The following CRPPA variants were observed in gnomAD, a reference collection of about 807,000 sequenced individuals.
CRPPA encodes CDP-L-ribitol pyrophosphorylase A.
In CRPPA, 43 loss-of-function variants were observed where a neutral mutation model predicts 52.0. That is an observed-to-expected ratio of 0.83 (90% CI 0.65 to 1.07). The LOEUF is 1.07. CRPPA is among the 50% of genes least tolerant of loss of function. The pLI, the probability that CRPPA is intolerant of heterozygous loss-of-function variation, is 0.00. For missense variants in CRPPA, 629 were observed against 551.7 expected (o/e 1.14, Z -1.40); for synonymous variants, 250 against 203.5 (o/e 1.23, Z -1.94).
At chr7:16,129,652 A>G (rs1258301797) in intron 9 of CRPPA, among the ~76,000 whole-genome samples, 1 of 152,120 alleles carries the variant, frequency 6.6e-6, no homozygotes, top group Non-Finnish European at 1.5e-5. Context: ...TGCTCAGTAC[A>G]TATTTTATTG....
chr7:16,248,011 T>A (rs1484178006), intron 8 of CRPPA: 3 of 151,580 alleles, frequency 2.0e-5, no homozygotes, highest in Admixed American at 6.6e-5. Context: ...AAGCCTAGGA[T>A]TGAGACACAA....
At chr7:16,120,952 C>T (rs944106950) in intron 9 of CRPPA, among the ~76,000 whole-genome samples, 5 of 151,864 alleles carry the variant, frequency 3.3e-5, no homozygotes, top group Admixed American at 6.6e-5. Context: ...TCTCATTTTA[C>T]ACAAAGACAA....
Position 16,089,315 on chromosome 7 carries a change from CGT to C in CRPPA, c.*2378_*2379del, listed in dbSNP as rs1781769665. The C allele has an allele frequency of 1.3e-5, 4 of 316,158 alleles. No individual in the cohort carries two copies. Among genetic ancestry groups the C allele is most frequent in the African/African-American group, 1.0e-4 (4 of 39,324 alleles). 19.6% of individuals were successfully genotyped at this position (316,158 alleles called of 1,614,324 possible). A position where few individuals can be genotyped will look rare whatever the true frequency, so the allele number is the denominator to read the frequency against. On this transcript the variant is annotated 3_prime_UTR_variant, in exon 10 of 10. Transcript: ENST00000407010. The stretch of plus-strand genomic sequence containing the variant: ...ACGTATATACATATATGTGTGTATG[CGT>C]ACGTATATAAATATATGTGTGTATG...
chr7:16,344,692 A>C (rs1383101544), intron 3 of CRPPA, among the ~76,000 whole-genome samples: 1 of 152,148 alleles, frequency 6.6e-6, no homozygotes, highest in Non-Finnish European at 1.5e-5. Context: ...AAAAAGGTAT[A>C]AGTTCTGGAG....
At chr7:16,245,729 G>A (rs1012103586) in intron 8 of CRPPA, among the ~76,000 whole-genome samples, 16 of 152,038 alleles carry the variant, frequency 1.1e-4, no homozygotes, top group Non-Finnish European at 2.1e-4. Flanking sequence ...AGCCAATAAA[G>A]CAAATATCAC....
At chr7:16,267,900 G>A (rs907294611) in intron 6 of CRPPA, among the ~76,000 whole-genome samples, 5 of 151,744 alleles carry the variant, frequency 3.3e-5, no homozygotes, top group African/African-American at 4.8e-5. Flanking sequence ...ATTGTATTAG[G>A]GACTGTATGT....
At chr7:16,096,832 C>T (rs569276290) in intron 9 of CRPPA, among the ~76,000 whole-genome samples, 6 of 152,244 alleles carry the variant, frequency 3.9e-5, no homozygotes, top group East Asian at 1.9e-4. Flanking sequence ...TTCAGTAGTC[C>T]GCTTTCTTAA....
In CRPPA at chr7:16,278,142, T is replaced by C; in HGVS notation, c.920A>G (p.Lys307Arg). 1 of 1,544,086 alleles carries C rather than the reference T, an allele frequency of 6.5e-7. No individual in the cohort carries two copies. Residue 307 changes from lysine to arginine, a missense_variant, in exon 6 of 10, where the codon AAA (lysine) becomes AGA (arginine). Transcript: ENST00000407010. ...HVGHLLEEVL[K>R]SELNHVKVTS... ...TTGAATACTTACATTTAATTCACTT[T>C]TCAGCACTTCTTCAAGAAGATGACC...
At chr7:16,153,148 T>C (rs1481898869) in intron 9 of CRPPA, among the ~76,000 whole-genome samples, 1 of 152,114 alleles carries the variant, frequency 6.6e-6, no homozygotes, top group Admixed American at 6.5e-5. Context: ...CAATTTTGGC[T>C]TATCAAATTG....
intron 1 of CRPPA, among the ~76,000 whole-genome samples, chr7:16,415,522 C>G (rs1037910631): frequency 6.6e-6 from 1 of 152,128 alleles, no homozygotes; most frequent in Non-Finnish European, 1.5e-5. Flanking sequence ...AATCAGGTGT[C>G]CCCTTTTCAT....
intron 9 of CRPPA, among the ~76,000 whole-genome samples, chr7:16,124,927 G>C (rs957092712): frequency 1.3e-5 from 2 of 151,932 alleles, no homozygotes; most frequent in Non-Finnish European, 2.9e-5. Flanking sequence ...AGACAAAAAA[G>C]AAAGAATAGC....
intron 3 of CRPPA, among the ~76,000 whole-genome samples, chr7:16,364,703 G>T (rs1031580508): frequency 6.6e-6 from 1 of 152,164 alleles, no homozygotes; most frequent in African/African-American, 2.4e-5. Context: ...TTTAAAGCAT[G>T]AATTCTCTTG....
chr7:16,097,090 T>G (rs2128362630), intron 9 of CRPPA, among the ~76,000 whole-genome samples: 2 of 152,270 alleles, frequency 1.3e-5, no homozygotes, highest in Middle Eastern at 3.4e-3. Context: ...TCCGGGAGCA[T>G]TTCTCTCCAT....
At chr7:16,145,328 C>A (rs1175300720) in intron 9 of CRPPA, among the ~76,000 whole-genome samples, 1 of 152,136 alleles carries the variant, frequency 6.6e-6, no homozygotes, top group Non-Finnish European at 1.5e-5. Context: ...AAGTACAATT[C>A]CAGAAACAGT....
At chr7:16,095,083 T>A (rs1370679528) in intron 9 of CRPPA, among the ~76,000 whole-genome samples, 1 of 152,230 alleles carries the variant, frequency 6.6e-6, no homozygotes, top group East Asian at 1.9e-4. Context: ...ATGGGAACTC[T>A]CTGCGGCATC....
chr7:16,281,346 T>C (rs192500068), intron 5 of CRPPA, among the ~76,000 whole-genome samples: 119 of 152,320 alleles, frequency 7.8e-4, no homozygotes, highest in African/African-American at 2.8e-3. Flanking sequence ...TTTGTTGTTA[T>C]GTATAAAAAT....
chr7:16,177,186 G>A (rs563571822), intron 9 of CRPPA, among the ~76,000 whole-genome samples: 2 of 152,164 alleles, frequency 1.3e-5, no homozygotes, highest in South Asian at 4.2e-4. Flanking sequence ...CATGATGACA[G>A]AATTTTTGTA....
intron 9 of CRPPA, among the ~76,000 whole-genome samples, chr7:16,118,006 A>G (rs1782411999): frequency 6.6e-6 from 1 of 152,222 alleles, no homozygotes; most frequent in Admixed American, 6.5e-5. Context: ...GTTCTAATGT[A>G]ATTACATATC....
At chr7:16,382,065 T>G (rs931826714) in intron 2 of CRPPA, among the ~76,000 whole-genome samples, 2 of 152,014 alleles carry the variant, frequency 1.3e-5, no homozygotes, top group African/African-American at 4.8e-5. Context: ...GCTCGTTAGT[T>G]GATGCAGTTT....
Sources: allele counts gnomAD v4.1 joint callset (sites outside exome capture counted in the v4.1 genomes callset), GRCh38; gene constraint gnomAD v4.1.1; transcripts MANE v1.5; gene names NCBI Gene and HGNC (gene_info 2026-07-23, HGNC 2026-07-21).